Variants in PKD1L3 observed in about 807,000 individuals in gnomAD.
The protein encoded by PKD1L3 is polycystin-1-like protein 3.
Under a neutral mutation model 184.1 loss-of-function variants are expected in PKD1L3, and 239 were observed. The ratio of observed to expected loss-of-function variants is 1.30; its 90% CI spans 1.17 to 1.45. The LOEUF is 1.45. Ranked by LOEUF, PKD1L3 falls within the 40% of genes most tolerant of loss-of-function variation. PKD1L3 has a pLI of 0.00. For missense variants in PKD1L3, 2,660 were observed against 2,067.2 expected, an observed-to-expected ratio of 1.29 and a Z score of -5.56; for synonymous variants, 996 against 778.8, an observed-to-expected ratio of 1.28 and a Z score of -4.64.
Position 71,948,803 on chromosome 16 carries a change from T to TAAA in PKD1L3, c.3618+977_3618+979dup, listed in dbSNP as rs57129483. 8.1e-4 allele frequency among the ~76,000 whole-genome samples: 66 copies of TAAA among 81,200 alleles called. 8 individuals are homozygous for TAAA. The highest frequency in any genetic ancestry group is 2.3e-3 in the Admixed American group (13 of 5,674). 53.3% of individuals were successfully genotyped at this position (81,200 alleles called of 152,430 possible). ...AATTTATATCTTAACTTACATATAGTAAAAAAAAAAAAAAAAAAAAAAGTC... is the reference window on the plus strand; with the variant it reads ...AATTTATATCTTAACTTACATATAGTAAAAAAAAAAAAAAAAAAAAAAAAAGTC... On this transcript the variant is annotated intron_variant, in intron 21 of 29. Coordinates refer to ENST00000620267, the MANE Select transcript of PKD1L3 (RefSeq NM_181536.2).
intron 25 of PKD1L3, among the ~76,000 whole-genome samples, chr16:71,936,157 GATATAA>G (rs1396478636): frequency 2.9e-4 from 43 of 150,692 alleles, no homozygotes; most frequent in South Asian, 1.9e-3. Flanking sequence ...TTTGGCTTAA[GATATAA>G]ATATATTTTC....
At chr16:71,929,896 G>T in intron 29 of PKD1L3, 156 bp downstream of exon 29, 2 of 1,095,334 alleles carry the variant, frequency 1.8e-6, no homozygotes, top group Non-Finnish European at 2.5e-6. Flanking sequence ...TATAAATTGG[G>T]TTTCCTAGGA....
chr16:71,993,323 A>G lies in PKD1L3; in HGVS notation c.428T>C (p.Leu143Ser). 1 of 1,543,962 alleles carries G rather than the reference A, an allele frequency of 6.5e-7. No individual in the cohort carries two copies. The change falls in exon 3 of 30, where the codon TTG becomes TCG. Residue 143 changes from leucine (L) to serine (S), a missense_variant. By Grantham distance (145) the Leu-to-Ser change is moderately radical. Coordinates refer to ENST00000620267, the MANE Select transcript of PKD1L3 (RefSeq NM_181536.2). Reference sequence around the variant, plus strand: ...TCTTTCATAATGGGCATCTCCGTCCAAAAAGTCACCTATTTGAAAGCCAAC... The same window carrying G: ...TCTTTCATAATGGGCATCTCCGTCCGAAAAGTCACCTATTTGAAAGCCAAC... Reference protein sequence around the residue: ...YYFICQTGDFLDGDAHYERNG... With the variant: ...YYFICQTGDFSDGDAHYERNG...
chr16:71,974,955 G>A (rs8056943), intron 11 of PKD1L3, among the ~76,000 whole-genome samples: 115,779 of 152,104 alleles, frequency 0.76, 44,312 homozygotes, highest in South Asian at 0.86. Flanking sequence ...AATAAATACA[G>A]AAGTGTAGCT....
At chr16:71,991,719 G>C (rs1265527480) in intron 3 of PKD1L3, among the ~76,000 whole-genome samples, 1 of 152,170 alleles carries the variant, frequency 6.6e-6, no homozygotes, top group Admixed American at 6.5e-5. Context: ...ACATACGTAG[G>C]ATATTCTTGA....
In PKD1L3 at chr16:71,999,750, C is replaced by T; in HGVS notation, c.229G>A (p.Gly77Arg). Residue 77 changes from glycine (G) to arginine (R), a missense_variant, in exon 1 of 30, where the codon GGA (glycine) becomes AGA (arginine). By Grantham distance (125) the Gly-to-Arg change is moderately radical. Coordinates refer to ENST00000620267, the MANE Select transcript of PKD1L3 (RefSeq NM_181536.2). Reference sequence around the variant, plus strand: ...TTTTGCCCAATCCACCACTTCTTTCCTTCTTCCAGATAGTCCCGGATGAGA... The same window carrying T: ...TTTTGCCCAATCCACCACTTCTTTCTTTCTTCCAGATAGTCCCGGATGAGA... ...QDLIRDYLEE[G>R]KKWWIGQNVM... The T allele has an allele frequency of 6.4e-7, 1 of 1,551,582 alleles. No individual in the cohort carries two copies. The highest frequency in any genetic ancestry group is 8.7e-7 in the Non-Finnish European group (1 of 1,146,894).
intron 9 of PKD1L3, 119 bp from the exon 10 acceptor site, chr16:71,978,502 T>TGG (rs2040018254): frequency 8.3e-6 from 1 of 119,858 alleles, no homozygotes; most frequent in Admixed American, 1.1e-4. Flanking sequence ...TGTGTATATA[T>TGG]ATATATATAT....
chr16:71,951,437 T>C (rs1293199725), intron 19 of PKD1L3, 127 bp downstream of exon 19: 5 of 946,060 alleles, frequency 5.3e-6, no homozygotes, highest in Non-Finnish European at 7.8e-6. Flanking sequence ...ACTAGAAGCT[T>C]AAGGAAATTA....
chr16:71,935,303 A>G (rs2038135080), intron 26 of PKD1L3, 55 bp downstream of exon 26: 1 of 1,489,606 alleles, frequency 6.7e-7, no homozygotes, highest in East Asian at 2.5e-5. Context: ...GTGTATAAAC[A>G]GGAAACTTTA....
chr16:71,972,791 G>A lies in PKD1L3; in HGVS notation c.1953+533C>T, dbSNP rs146242270. Among the ~76,000 whole-genome samples the A allele has an allele frequency of 2.4e-4, 37 of 152,204 alleles. No homozygotes were observed. The East Asian group carries it at 6.0e-3, about 25-fold the overall frequency. On this transcript the variant is annotated intron_variant, in intron 12 of 29. Transcript: ENST00000620267. ...TGCAAGACCTTACACCACATTCTTT[G>A]AGCAACCAAACCAGGACTTTCATCA...
chr16:71,939,629 C>A (rs911077365), intron 24 of PKD1L3, among the ~76,000 whole-genome samples: 27 of 152,198 alleles, frequency 1.8e-4, no homozygotes, highest in Admixed American at 7.2e-4. Context: ...CCTTAGGAAG[C>A]CTTTGTGCTT....
rs2038091521 is a variant in PKD1L3, at chr16:71,934,132, C to G, written c.4614-7G>C. On this transcript the variant is annotated splice_region_variant and splice_polypyrimidine_tract_variant and intron_variant, in intron 26 of 29. Transcript: ENST00000620267. ...CTCATAGAAGCTGATGAATCTGCAC[C>G]AAGGAAAGCTGACAGTTACTCAGCA... The G allele has an allele frequency of 1.3e-6, 2 of 1,551,498 alleles. No homozygotes were observed. The highest frequency in any genetic ancestry group is 2.7e-5 in the African/African-American group (2 of 73,102).
intron 28 of PKD1L3, among the ~76,000 whole-genome samples, chr16:71,932,209 TC>T (rs1788540791): frequency 6.6e-6 from 1 of 152,236 alleles, no homozygotes; most frequent in African/African-American, 2.4e-5. Flanking sequence ...ATTAGAATGA[TC>T]AACCATGATC....
chr16:71,974,406 G>C (rs1454008237), intron 11 of PKD1L3, among the ~76,000 whole-genome samples: 1 of 152,156 alleles, frequency 6.6e-6, no homozygotes, highest in Non-Finnish European at 1.5e-5. Flanking sequence ...ATGGCCAGGC[G>C]CAGTGGCTCA....
intron 26 of PKD1L3, 131 bp downstream of exon 26, chr16:71,935,227 C>CCA: frequency 9.8e-7 from 1 of 1,015,360 alleles, no homozygotes; most frequent in South Asian, 1.9e-5. Flanking sequence ...GGACATGAGT[C>CCA]CAAGTTCTCT....
chr16:71,950,161 G>C lies in PKD1L3; in HGVS notation c.3340C>G (p.Leu1114Val). ...GTGGGAAGAATATGTGTTTCCAAGA[G>C]TTCCTGGAGTTTTTGAAGTTGGCTG... ...AASQLQKLQE[L>V]LETHILPTEQ... The change falls in exon 20 of 30, where the codon CTC becomes GTC. Residue 1114 changes from leucine (L) to valine (V), a missense_variant. Physicochemically the swap from Leu to Val is conservative, Grantham distance 32. Coordinates refer to ENST00000620267, the MANE Select transcript of PKD1L3 (RefSeq NM_181536.2). 3 of 1,552,272 alleles carry C rather than the reference G, an allele frequency of 1.9e-6. No homozygotes were observed. The highest frequency in any genetic ancestry group is 1.7e-6 in the Non-Finnish European group (2 of 1,147,116).
chr16:71,941,942 T>A (rs941788105), intron 24 of PKD1L3, among the ~76,000 whole-genome samples: 1 of 151,626 alleles, frequency 6.6e-6, no homozygotes, highest in Non-Finnish European at 1.5e-5. Flanking sequence ...ACTTTTGGGG[T>A]TGGGGACTGG....
chr16:71,986,634 A>C (rs2040377985), intron 4 of PKD1L3, among the ~76,000 whole-genome samples, 165 bp from the exon 5 acceptor site: 1 of 152,210 alleles, frequency 6.6e-6, no homozygotes, highest in African/African-American at 2.4e-5. Context: ...AATTTCAAGA[A>C]ATCTGCATAT....
chr16:71,939,503 T>C (rs2038289727), intron 24 of PKD1L3, among the ~76,000 whole-genome samples: 1 of 152,190 alleles, frequency 6.6e-6, no homozygotes, highest in Admixed American at 6.5e-5. Flanking sequence ...AAAAAAGACA[T>C]TTAAGAACAA....
Sources: gnomAD v4.1 joint callset for allele counts (sites outside exome capture counted in the v4.1 genomes callset) on GRCh38, gnomAD v4.1.1 for gene constraint, MANE v1.5 for transcripts, NCBI Gene and HGNC (gene_info 2026-07-23, HGNC 2026-07-21) for gene names.